The following ASCC1 variants were observed in gnomAD, a reference collection of about 807,000 sequenced individuals.
The protein encoded by ASCC1 is activating signal cointegrator 1 complex subunit 1.
ASCC1 carries 35 observed loss-of-function variants against 46.6 expected under a neutral mutation model. The ratio of observed to expected loss-of-function variants is 0.75; its 90% CI spans 0.57 to 0.99. ASCC1 has a LOEUF of 0.99. ASCC1 is among the 50% of genes least tolerant of loss of function. The pLI is 0.00. For missense variants in ASCC1, 376 were observed against 428.7 expected, an observed-to-expected ratio of 0.88 and a Z score of 1.09; for synonymous variants, 143 against 146.6, an observed-to-expected ratio of 0.98 and a Z score of 0.18.
At position 72,097,179 on chromosome 10, in the gene ASCC1, G is replaced by A. The variant is rs775519433; in HGVS notation, c.*155C>T. ...CATCTCAGCTGGTAGTATGACGGGT[G>A]TAGACACCATTAGAGGCAATGGTGA... On this transcript the variant is annotated 3_prime_UTR_variant, in exon 10 of 10. Coordinates refer to ENST00000672957, the MANE Select transcript of ASCC1 (RefSeq NM_001198800.3). 7 of 731,942 alleles carry A rather than the reference G, an allele frequency of 9.6e-6. No individual in the cohort carries two copies. The highest frequency in any genetic ancestry group is 1.7e-5 in the African/African-American group (1 of 58,186). 45.3% of individuals were successfully genotyped at this position (731,942 alleles called of 1,614,324 possible).
At chr10:72,179,309 T>C (rs952578011) in intron 5 of ASCC1, among the ~76,000 whole-genome samples, 1 of 152,154 alleles carries the variant, frequency 6.6e-6, no homozygotes, top group African/African-American at 2.4e-5. Flanking sequence ...CCTGCTGCTC[T>C]TTTTTAAACC....
At chr10:72,207,339 G>A (rs1399848674) in intron 3 of ASCC1, among the ~76,000 whole-genome samples, 1 of 152,168 alleles carries the variant, frequency 6.6e-6, no homozygotes, top group Non-Finnish European at 1.5e-5. Flanking sequence ...ACTTAAACCA[G>A]GGAGGTAAAG....
intron 9 of ASCC1, among the ~76,000 whole-genome samples, chr10:72,105,953 A>G (rs1437413787): frequency 1.3e-5 from 2 of 152,062 alleles, no homozygotes; most frequent in Admixed American, 6.6e-5. Context: ...GCCTTTTCTT[A>G]TATCTGTGAC....
At chr10:72,170,124 GAA>G (rs112103477) in intron 5 of ASCC1, among the ~76,000 whole-genome samples, 1 of 136,294 alleles carries the variant, frequency 7.3e-6, no homozygotes, top group Non-Finnish European at 1.6e-5. Flanking sequence ...CCGTCTCAAA[GAA>G]AAAAAAAAAA....
At chr10:72,100,338 C>T (rs1404190931) in intron 9 of ASCC1, among the ~76,000 whole-genome samples, 2 of 151,844 alleles carry the variant, frequency 1.3e-5, no homozygotes, top group African/African-American at 2.4e-5. Flanking sequence ...AAGCTATTCT[C>T]CCTCAGCCTC....
chr10:72,142,057 T>C (rs903360786), intron 7 of ASCC1, among the ~76,000 whole-genome samples: 1 of 152,236 alleles, frequency 6.6e-6, no homozygotes, highest in South Asian at 2.1e-4. Flanking sequence ...TGTTTTCTGA[T>C]TGTAATGGGA....
chr10:72,097,339 A>G lies in ASCC1; in HGVS notation c.1069T>C (p.Ser357Pro). ...AGTGCTTTCCAAGATCCACCTCAGG[A>G]GAAGTCAATTTGTCCACAGGAAGCG... ...NYASCGQIDF[S>P] is the part of the protein sequence containing the mutation. Residue 357 changes from serine (S) to proline (P), a missense_variant, in exon 10 of 10, where the codon TCC (serine) becomes CCC (proline). Transcript: ENST00000672957. 6.2e-7 allele frequency: 1 copy of G among 1,602,406 alleles called. No homozygotes were observed.
intron 4 of ASCC1, 72 bp from the exon 5 acceptor site, chr10:72,197,061 T>G (rs1405262638): frequency 6.8e-7 from 1 of 1,472,472 alleles, no homozygotes; most frequent in Non-Finnish European, 9.5e-7. Context: ...CTCTTGATAC[T>G]GTCACCTCTG....
At chr10:72,126,107 A>T (rs897542217) in intron 9 of ASCC1, among the ~76,000 whole-genome samples, 2 of 152,346 alleles carry the variant, frequency 1.3e-5, no homozygotes, top group African/African-American at 4.8e-5. Flanking sequence ...TCAAATATCT[A>T]ATGGTCTCTA....
At chr10:72,099,467 ACCAC>A (rs1564566385) in intron 9 of ASCC1, among the ~76,000 whole-genome samples, 1 of 152,212 alleles carries the variant, frequency 6.6e-6, no homozygotes, top group Admixed American at 6.5e-5. Context: ...GACAGAAGGC[ACCAC>A]CCACTGTACC....
At chr10:72,147,281 T>C (rs1454570047) in intron 7 of ASCC1, among the ~76,000 whole-genome samples, 1 of 151,630 alleles carries the variant, frequency 6.6e-6, no homozygotes, top group Non-Finnish European at 1.5e-5. Context: ...TGTGATGGAG[T>C]TTCGTTCTGT....
chr10:72,104,223 G>A (rs752231882), intron 9 of ASCC1, among the ~76,000 whole-genome samples: 2 of 152,080 alleles, frequency 1.3e-5, no homozygotes, highest in Non-Finnish European at 1.5e-5. Context: ...CCATTAAATA[G>A]CCACAGTGAG....
At chr10:72,163,460 C>T (rs1017336813) in intron 5 of ASCC1, among the ~76,000 whole-genome samples, 7 of 152,130 alleles carry the variant, frequency 4.6e-5, no homozygotes, top group Admixed American at 1.3e-4. Flanking sequence ...TCTGGCTGGC[C>T]GCGGTGGCTC....
At position 72,141,080 on chromosome 10, in the gene ASCC1, G is replaced by GATAGATAGATAGAT. The variant is rs759813544; in HGVS notation, c.747-7900_747-7899insATCTATCTATCTAT. On this transcript the variant is annotated intron_variant, in intron 7 of 9. Transcript: ENST00000672957. ...AGATAGATAGATAGATAGATAGATA[G>GATAGATAGATAGAT]ATAGATATAGATATAGACATAGAGA... Among the ~76,000 whole-genome samples the GATAGATAGATAGAT allele has an allele frequency of 4.5e-3, 639 of 141,080 alleles. 4 individuals are homozygous for GATAGATAGATAGAT. The highest frequency in any genetic ancestry group is 0.01 in the East Asian group (46 of 4,482). The allele number at this position is 141,080 out of a possible 152,430, so 92.6% of individuals were successfully genotyped here. A position where few individuals can be genotyped will look rare whatever the true frequency, so the allele number is the denominator to read the frequency against.
At chr10:72,099,729 A>G (rs1212429512) in intron 9 of ASCC1, among the ~76,000 whole-genome samples, 1 of 152,116 alleles carries the variant, frequency 6.6e-6, no homozygotes, top group Non-Finnish European at 1.5e-5. Flanking sequence ...CTGAGGGAGG[A>G]GAATCGCTTG....
At chr10:72,141,350 C>G (rs1287004362) in intron 7 of ASCC1, among the ~76,000 whole-genome samples, 1 of 152,116 alleles carries the variant, frequency 6.6e-6, no homozygotes, top group Non-Finnish European at 1.5e-5. Flanking sequence ...CCACAGTATT[C>G]TCTATTCTAC....
At chr10:72,109,601 C>G (rs1039757461) in intron 9 of ASCC1, among the ~76,000 whole-genome samples, 1 of 152,138 alleles carries the variant, frequency 6.6e-6, no homozygotes, top group Non-Finnish European at 1.5e-5. Flanking sequence ...GGAATTTGGC[C>G]TGAGGCTCAC....
chr10:72,200,652 G>A (rs1467407960), intron 4 of ASCC1, among the ~76,000 whole-genome samples: 11 of 138,006 alleles, frequency 8.0e-5, no homozygotes, highest in Middle Eastern at 3.8e-3. Context: ...CAACAAGAGC[G>A]AAACTCCATC....
chr10:72,111,735 G>A (rs1012780774), intron 9 of ASCC1, among the ~76,000 whole-genome samples: 2 of 152,018 alleles, frequency 1.3e-5, no homozygotes, highest in South Asian at 2.1e-4. Context: ...TCCACCTCCC[G>A]GGTTCATGCC....
Sources: gnomAD v4.1 joint callset for allele counts (sites outside exome capture counted in the v4.1 genomes callset) on GRCh38, gnomAD v4.1.1 for gene constraint, MANE v1.5 for transcripts, NCBI Gene and HGNC (gene_info 2026-07-23, HGNC 2026-07-21) for gene names.